The following DNAH17 variants were observed in gnomAD, a reference collection of about 807,000 sequenced individuals.
DNAH17 encodes axonemal beta dynein heavy chain 17.
DNAH17 carries 376 observed loss-of-function variants against 485.6 expected under a neutral mutation model. The ratio of observed to expected loss-of-function variants is 0.77; its 90% CI spans 0.71 to 0.84. The LOEUF is 0.84. DNAH17 is among the 40% of genes least tolerant of loss of function. The pLI, the probability that DNAH17 is intolerant of heterozygous loss-of-function variation, is 0.00. For missense variants in DNAH17, 6,370 were observed against 5,839.3 expected, an observed-to-expected ratio of 1.09 and a Z score of -2.96; for synonymous variants, 3,031 against 2,405.9, an observed-to-expected ratio of 1.26 and a Z score of -7.60.
intron 26 of DNAH17, among the ~76,000 whole-genome samples, chr17:78,514,518 A>AG (rs1363706462): frequency 6.6e-5 from 9 of 135,560 alleles, no homozygotes; most frequent in Non-Finnish European, 1.3e-4. Context: ...AAAAAAAAAA[A>AG]AAAAGAAAAA....
intron 3 of DNAH17, among the ~76,000 whole-genome samples, chr17:78,572,038 C>T (rs2092366065): frequency 2.6e-5 from 4 of 152,186 alleles, no homozygotes; most frequent in South Asian, 2.1e-4. Context: ...TCCAAGGAAG[C>T]GGGAGAGAAT....
intron 61 of DNAH17, 33 bp from the exon 62 acceptor site, chr17:78,458,713 C>T (rs375784383): frequency 3.5e-5 from 55 of 1,571,746 alleles, no homozygotes; most frequent in Non-Finnish European, 4.6e-5. Flanking sequence ...TGCTGGAAAA[C>T]CCCACGAGGC....
At chr17:78,455,453 G>T (rs924377939) in intron 63 of DNAH17, among the ~76,000 whole-genome samples, 191 bp downstream of exon 63, 6 of 151,942 alleles carry the variant, frequency 3.9e-5, no homozygotes, top group Admixed American at 3.3e-4. Context: ...AGCCTCCCCA[G>T]TAGCTGGGAT....
Position 78,454,467 on chromosome 17 carries a change from C to G in DNAH17, c.10406+3G>C. The G allele has an allele frequency of 6.2e-7, 1 of 1,610,126 alleles. No individual in the cohort carries two copies. The highest frequency in any genetic ancestry group is 8.5e-7 in the Non-Finnish European group (1 of 1,178,360). On this transcript the variant is annotated splice_donor_region_variant and intron_variant, in intron 64 of 80. Coordinates refer to ENST00000389840, the MANE Select transcript of DNAH17 (RefSeq NM_173628.4). The stretch of plus-strand genomic sequence containing the variant: ...TCGGCCCAGGTCCTGCGCCCGCACA[C>G]ACCTCTTCTGTCCCAGGCGGATGGC...
intron 16 of DNAH17, among the ~76,000 whole-genome samples, chr17:78,551,078 A>G (rs754630132): frequency 1.8e-4 from 27 of 152,142 alleles, no homozygotes; most frequent in Middle Eastern, 3.4e-3. Context: ...AACAAAAACA[A>G]AATTCCTTTT....
intron 20 of DNAH17, among the ~76,000 whole-genome samples, chr17:78,531,862 A>AC (rs1179874293): frequency 6.6e-6 from 1 of 152,242 alleles, no homozygotes; most frequent in African/African-American, 2.4e-5. Context: ...TATTACACTG[A>AC]CAGGTGTGAT....
intron 16 of DNAH17, among the ~76,000 whole-genome samples, chr17:78,549,970 C>A (rs553164727): frequency 2.0e-5 from 3 of 152,140 alleles, no homozygotes; most frequent in East Asian, 3.9e-4. Flanking sequence ...GTGAGCATTG[C>A]AGGTAACAGA....
At chr17:78,466,941 G>A in intron 55 of DNAH17, 125 bp from the exon 56 acceptor site, 1 of 1,003,428 alleles carries the variant, frequency 1.0e-6, no homozygotes, top group Non-Finnish European at 1.4e-6. Context: ...CCAGGGCCTG[G>A]GCAGCACAGT....
chr17:78,531,335 G>GACTT (rs1312236366), intron 20 of DNAH17, among the ~76,000 whole-genome samples: 56 of 141,602 alleles, frequency 4.0e-4, no homozygotes, highest in African/African-American at 1.4e-3. Context: ...CATAAAGTCT[G>GACTT]TCTTTTTTTT....
intron 16 of DNAH17, among the ~76,000 whole-genome samples, chr17:78,547,614 A>C (rs1330727924): frequency 8.5e-6 from 1 of 117,102 alleles, no homozygotes; most frequent in African/African-American, 3.3e-5. Flanking sequence ...TTTGTTCATT[A>C]CTATTTTTTT....
chr17:78,479,574 T>C lies in DNAH17; in HGVS notation c.7811A>G (p.Tyr2604Cys). 1 of 1,613,582 alleles carries C rather than the reference T, an allele frequency of 6.2e-7. No individual in the cohort carries two copies. The highest frequency in any genetic ancestry group is 8.5e-7 in the Non-Finnish European group (1 of 1,179,856). ...CAGGTGCTGCGTCAGGATTGTGTTG[T>C]AGATGGTGGTGAGGGCCTCCTGGCC... ...FPGQEALTTI[Y>C]NTILTQHLAF... The change falls in exon 50 of 81, where the codon TAC (tyrosine) becomes TGC (cysteine). Residue 2604 changes from tyrosine (Y) to cysteine (C), a missense_variant. Tyr to Cys is a radical substitution (Grantham distance 194). Coordinates refer to ENST00000389840, the MANE Select transcript of DNAH17 (RefSeq NM_173628.4).
Position 78,473,561 on chromosome 17 carries a change from A to G in DNAH17, c.8511+1717T>C, listed in dbSNP as rs184423037. Among the ~76,000 whole-genome samples, 1,219 of 151,294 alleles carry G rather than the reference A, an allele frequency of 8.1e-3. 53 individuals are homozygous for G. Among genetic ancestry groups the G allele is most frequent in the East Asian group, 0.066 (340 of 5,122 alleles). On this transcript the variant is annotated intron_variant, in intron 54 of 80. Coordinates refer to ENST00000389840, the MANE Select transcript of DNAH17 (RefSeq NM_173628.4). The stretch of plus-strand genomic sequence containing the variant: ...TCTGTCTCAAAAAAAAAAAAAAAAA[A>G]AAAAGAAATGACAGTGATAGCAAAG...
chr17:78,499,138 A>AC, intron 36 of DNAH17, 26 bp from the exon 37 acceptor site: 2 of 1,515,416 alleles, frequency 1.3e-6, no homozygotes, highest in Non-Finnish European at 1.8e-6. Flanking sequence ...TGGAGAAAGG[A>AC]AGAGCTGGGA....
At position 78,571,616 on chromosome 17, in the gene DNAH17, G is replaced by C. The variant is rs749665290; in HGVS notation, c.706C>G (p.Leu236Val). ...TGTTCATGGATGCACTTGAGGTTCAGCAGCCGAGTGTCCCAGAACTCGAAC... is the reference window on the plus strand; with the variant it reads ...TGTTCATGGATGCACTTGAGGTTCACCAGCCGAGTGTCCCAGAACTCGAAC... ...VEFEFWDTRLLNLKCIHEQLN... is the reference protein window; with the variant it reads ...VEFEFWDTRLVNLKCIHEQLN... The change falls in exon 4 of 81, where the codon CTG becomes GTG. Residue 236 changes from leucine to valine, a missense_variant. Coordinates refer to ENST00000389840, the MANE Select transcript of DNAH17 (RefSeq NM_173628.4). The C allele has an allele frequency of 6.2e-7, 1 of 1,613,964 alleles. No homozygotes were observed. Among genetic ancestry groups the C allele is most frequent in the South Asian group, 1.1e-5 (1 of 91,090 alleles).
chr17:78,523,687 C>G (rs1339870736), intron 25 of DNAH17, among the ~76,000 whole-genome samples: 1 of 152,246 alleles, frequency 6.6e-6, no homozygotes, highest in African/African-American at 2.4e-5. Flanking sequence ...GGATGGATCG[C>G]TTGAGCCCAG....
intron 68 of DNAH17, chr17:78,450,022 G>GA (rs2087478119): frequency 1.2e-5 from 7 of 563,158 alleles, no homozygotes. Context: ...GGCACCAGGG[G>GA]AAGAGCAGGG....
chr17:78,429,448 C>CCTTCAGGGTCACCAGG, intron 75 of DNAH17, 148 bp from the exon 76 acceptor site: 1 of 851,590 alleles, frequency 1.2e-6, no homozygotes, highest in Non-Finnish European at 1.8e-6. Context: ...TGGCCATTTA[C>CCTTCAGGGTCACCAGG]CTTCAGGGTC....
In DNAH17 at chr17:78,487,915, T is replaced by G. The variant is rs373845742; in HGVS notation, c.6819-1409A>C. Among the ~76,000 whole-genome samples the G allele has an allele frequency of 6.8e-4, 103 of 152,326 alleles. 2 individuals carry two copies. The East Asian group carries it at 9.4e-3, about 14-fold the overall frequency. On this transcript the variant is annotated intron_variant, in intron 44 of 80. Transcript: ENST00000389840. ...GAGAGAATTAAGAGCTGAACGTCTT[T>G]GCCGCATAGCACCCTGTATTATCCA...
chr17:78,551,086 T>C (rs1311611399), intron 16 of DNAH17, among the ~76,000 whole-genome samples: 1 of 151,912 alleles, frequency 6.6e-6, no homozygotes, highest in Non-Finnish European at 1.5e-5. Context: ...CAAAATTCCT[T>C]TTGGATATAT....
Sources: gnomAD v4.1 joint callset for allele counts (sites outside exome capture counted in the v4.1 genomes callset) on GRCh38, gnomAD v4.1.1 for gene constraint, MANE v1.5 for transcripts, NCBI Gene and HGNC (gene_info 2026-07-23, HGNC 2026-07-21) for gene names.